The following FOXP2 variants were observed in gnomAD, a reference collection of about 807,000 sequenced individuals.
FOXP2 encodes forkhead box P2.
In FOXP2, 12 loss-of-function variants were observed where a neutral mutation model predicts 115.8. The observed-to-expected ratio is 0.10, with a 90% CI of 0.07 to 0.17. The LOEUF (loss-of-function observed/expected upper bound fraction) is 0.17, where lower values mean the gene tolerates loss of function less well. Among genes scored for constraint, FOXP2 ranks in the 10% least tolerant of loss-of-function variants. FOXP2 has a pLI of 1.00. For synonymous variants in FOXP2, 328 were observed against 297.7 expected, an observed-to-expected ratio of 1.10 and a Z score of -1.05; for missense variants, 629 against 843.5, an observed-to-expected ratio of 0.75 and a Z score of 3.15.
chr7:114,126,219 GC>G (rs1267143389), intron 1 of FOXP2, among the ~76,000 whole-genome samples: 2 of 9,532 alleles, frequency 2.1e-4, no homozygotes, highest in Non-Finnish European at 1.0e-3. Context: ...GGTGTAGATG[GC>G]ACTTGACTTG....
chr7:114,615,322 T>C (rs192037725), intron 3 of FOXP2, among the ~76,000 whole-genome samples: 9 of 152,304 alleles, frequency 5.9e-5, no homozygotes, highest in Middle Eastern at 6.8e-3. Flanking sequence ...ACTAAAAGGA[T>C]GATCTGCTCT....
chr7:114,642,961 C>G (rs1039801726), intron 7 of FOXP2, among the ~76,000 whole-genome samples: 2 of 150,436 alleles, frequency 1.3e-5, no homozygotes, highest in Non-Finnish European at 3.0e-5. Flanking sequence ...GGCGCCCGCC[C>G]CCACGCCTGG....
At chr7:114,269,402 G>C (rs1255906216) in intron 1 of FOXP2, among the ~76,000 whole-genome samples, 1 of 152,046 alleles carries the variant, frequency 6.6e-6, no homozygotes, top group East Asian at 1.9e-4. Context: ...TTGTTTATTA[G>C]TACATGCTAT....
chr7:114,109,889 G>C (rs974002266), intron 1 of FOXP2, among the ~76,000 whole-genome samples: 1 of 152,102 alleles, frequency 6.6e-6, no homozygotes, highest in Non-Finnish European at 1.5e-5. Context: ...TAGGATTTGA[G>C]CATTTGCTGT....
chr7:114,683,328 A>G (rs1808196294), intron 16 of FOXP2, among the ~76,000 whole-genome samples: 1 of 152,212 alleles, frequency 6.6e-6, no homozygotes. Context: ...ACCAGTAGAA[A>G]GAGTTAAGTG....
chr7:114,658,050 T>C lies in FOXP2; in HGVS notation c.1267-16T>C. On this transcript the variant is annotated splice_polypyrimidine_tract_variant and intron_variant, in intron 10 of 16. Coordinates refer to ENST00000350908, the MANE Select transcript of FOXP2 (RefSeq NM_014491.4). ...TGTCTCTACCTTTTTCCTGCCCTTC[T>C]CTTGGGCCTTTGCAGCTAAATCTGG... is the stretch of plus-strand genomic sequence containing the variant. 6.2e-7 allele frequency: 1 copy of C among 1,613,718 alleles called. No individual in the cohort carries two copies.
chr7:114,332,693 A>C (rs940752451), intron 2 of FOXP2, among the ~76,000 whole-genome samples: 2 of 152,150 alleles, frequency 1.3e-5, no homozygotes, highest in Non-Finnish European at 2.9e-5. Context: ...TGTTAAAAAT[A>C]AGGGTGGTTT....
intron 1 of FOXP2, among the ~76,000 whole-genome samples, chr7:114,157,987 A>G (rs1205655948): frequency 6.6e-6 from 1 of 152,088 alleles, no homozygotes; most frequent in African/African-American, 2.4e-5. Flanking sequence ...ATTTAAGAAA[A>G]CAAACAAAAA....
chr7:114,600,535 G>A (rs1012522142), intron 3 of FOXP2, among the ~76,000 whole-genome samples: 3 of 152,166 alleles, frequency 2.0e-5, no homozygotes, highest in Non-Finnish European at 2.9e-5. Context: ...ATATGTGAGA[G>A]CACATTGCTG....
At chr7:114,469,210 A>G (rs1381075880) in intron 2 of FOXP2, among the ~76,000 whole-genome samples, 16 of 152,126 alleles carry the variant, frequency 1.1e-4, no homozygotes, top group Admixed American at 1.0e-3. Flanking sequence ...ATGTGAGTGT[A>G]TGTGTACATA....
chr7:114,443,706 C>A (rs573727819), intron 2 of FOXP2, among the ~76,000 whole-genome samples: 6 of 152,144 alleles, frequency 3.9e-5, no homozygotes, highest in South Asian at 2.1e-4. Flanking sequence ...AGTTTACATA[C>A]GATAATGGCC....
chr7:114,091,393 G>A (rs2129139106), intron 1 of FOXP2, among the ~76,000 whole-genome samples: 1 of 151,952 alleles, frequency 6.6e-6, no homozygotes, highest in African/African-American at 2.4e-5. Flanking sequence ...ATTTTCAGTA[G>A]TAATATTCAT....
At chr7:114,103,402 A>G (rs949492753) in intron 1 of FOXP2, among the ~76,000 whole-genome samples, 2 of 152,024 alleles carry the variant, frequency 1.3e-5, no homozygotes, top group African/African-American at 4.8e-5. Flanking sequence ...GTGGCTCTTT[A>G]GGTTTTAAAA....
chr7:114,288,770 T>C (rs897695291), intron 2 of FOXP2, among the ~76,000 whole-genome samples: 1 of 151,866 alleles, frequency 6.6e-6, no homozygotes, highest in African/African-American at 2.4e-5. Context: ...AACTGTAATA[T>C]CAATCAAACG....
Position 114,642,812 on chromosome 7 carries a change from A to ATTTTT in FOXP2, c.989+200_989+204dup, listed in dbSNP as rs869136743. Among the ~76,000 whole-genome samples, 38 of 72,412 alleles carry ATTTTT rather than the reference A, an allele frequency of 5.2e-4. 1 individual carries two copies. Among genetic ancestry groups the ATTTTT allele is most frequent in the African/African-American group, 1.0e-3 (14 of 14,002 alleles). The allele number at this position is 72,412 out of a possible 152,430, so 47.5% of individuals were successfully genotyped here. A position where few individuals can be genotyped will look rare whatever the true frequency, so the allele number is the denominator to read the frequency against. On this transcript the variant is annotated intron_variant, in intron 7 of 16. Coordinates refer to ENST00000350908, the MANE Select transcript of FOXP2 (RefSeq NM_014491.4). ...TATATATATATATATATATATATAT[A>ATTTTT]TTTTTTTTTTTTTTTAGGCAGAGTC...
chr7:114,109,208 A>G (rs1178375744), intron 1 of FOXP2, among the ~76,000 whole-genome samples: 1 of 152,004 alleles, frequency 6.6e-6, no homozygotes, highest in Admixed American at 6.6e-5. Flanking sequence ...GAATTTATTG[A>G]TGTATTTTAA....
chr7:114,628,157 C>T (rs1456436765), intron 3 of FOXP2, among the ~76,000 whole-genome samples: 1 of 151,938 alleles, frequency 6.6e-6, no homozygotes, highest in Non-Finnish European at 1.5e-5. Context: ...ATTTTAATTA[C>T]ACTTAAGACA....
chr7:114,178,861 C>T (rs547440916), intron 1 of FOXP2, among the ~76,000 whole-genome samples: 25 of 151,874 alleles, frequency 1.6e-4, no homozygotes, highest in Non-Finnish European at 3.7e-4. Context: ...AATGCATATT[C>T]CTACACAGAA....
intron 2 of FOXP2, among the ~76,000 whole-genome samples, chr7:114,487,731 CAAG>C (rs1163950317): frequency 1.3e-5 from 2 of 152,308 alleles, no homozygotes; most frequent in Non-Finnish European, 2.9e-5. Flanking sequence ...TAAAGCACAG[CAAG>C]AATCACCTTT....
Sources: gnomAD v4.1 joint callset for allele counts (sites outside exome capture counted in the v4.1 genomes callset) on GRCh38, gnomAD v4.1.1 for gene constraint, MANE v1.5 for transcripts, NCBI Gene and HGNC (gene_info 2026-07-23, HGNC 2026-07-21) for gene names.